EML1: variants seen among roughly 807,000 people sequenced by gnomAD.
The protein encoded by EML1 is EMAP like 1.
EML1 carries 27 observed loss-of-function variants against 110.4 expected under a neutral mutation model. The ratio of observed to expected loss-of-function variants is 0.24; its 90% CI spans 0.18 to 0.34. The LOEUF is 0.34. EML1 is among the 10% of genes least tolerant of loss of function. EML1 has a pLI of 1.00. For synonymous variants in EML1, 344 were observed against 385.8 expected (o/e 0.89, Z 1.27); for missense variants, 741 against 1,030.9 (o/e 0.72, Z 3.85).
intron 1 of EML1, among the ~76,000 whole-genome samples, chr14:99,750,647 T>G (rs2057165394): frequency 6.6e-6 from 1 of 152,206 alleles, no homozygotes; most frequent in African/African-American, 2.4e-5. Flanking sequence ...GCTTTCATTT[T>G]AGGTCGAGTC....
At chr14:99,808,420 T>C (rs1218047594) in intron 1 of EML1, among the ~76,000 whole-genome samples, 1 of 152,188 alleles carries the variant, frequency 6.6e-6, no homozygotes, top group Non-Finnish European at 1.5e-5. Flanking sequence ...CAGAAACATT[T>C]CTTCATTGTG....
chr14:99,751,205 C>T (rs1461497206), intron 1 of EML1, among the ~76,000 whole-genome samples: 1 of 151,996 alleles, frequency 6.6e-6, no homozygotes, highest in East Asian at 1.9e-4. Context: ...AGCAGATGGA[C>T]AAGCAGACGG....
chr14:99,840,052 T>C (rs1385711014), intron 1 of EML1, among the ~76,000 whole-genome samples: 1 of 152,268 alleles, frequency 6.6e-6, no homozygotes, highest in Non-Finnish European at 1.5e-5. Flanking sequence ...CTTTTGCTAT[T>C]GGATACTAAT....
exon 1 of EML1, chr14:99,737,795 G>A (rs948768908): frequency 2.3e-6 from 3 of 1,288,990 alleles, no homozygotes; most frequent in Admixed American, 2.3e-5. Context: ...GAGTGACCCT[G>A]CAGGCTGGTG....
At chr14:99,754,445 G>A (rs567417107) in intron 1 of EML1, among the ~76,000 whole-genome samples, 29 of 152,304 alleles carry the variant, frequency 1.9e-4, no homozygotes, top group Non-Finnish European at 4.1e-4. Context: ...ACCTCTGGGT[G>A]GGGCCGTGAC....
Position 99,940,485 on chromosome 14 carries a change from G to A in EML1, c.*373G>A, listed in dbSNP as rs1376944883. ...TCTTCACTGTTTCACCATCTAGCTT[G>A]CTAAGTCAAATATTTATGATGATAA... On this transcript the variant is annotated 3_prime_UTR_variant, in exon 22 of 22. Transcript: ENST00000262233. The A allele has an allele frequency of 6.3e-6, 1 of 158,188 alleles. No individual in the cohort carries two copies. The highest frequency in any genetic ancestry group is 2.4e-5 in the African/African-American group (1 of 41,682). The allele number at this position is 158,188 out of a possible 1,614,324, so 9.8% of individuals were successfully genotyped here. A position where few individuals can be genotyped will look rare whatever the true frequency, so the allele number is the denominator to read the frequency against.
upstream of EML1, among the ~76,000 whole-genome samples, chr14:99,769,465 C>A (rs75978758): frequency 0.061 from 9,287 of 152,300 alleles, 322 homozygotes; most frequent in African/African-American, 0.094. Context: ...TGGCCTCCCC[C>A]ACAGTGGGCA....
At chr14:99,762,946 A>G (rs1209587939) in intron 1 of EML1, among the ~76,000 whole-genome samples, 1 of 152,220 alleles carries the variant, frequency 6.6e-6, no homozygotes, top group African/African-American at 2.4e-5. Context: ...TGTGTGTGAT[A>G]TGCTTTGGCT....
At chr14:99,826,800 T>G (rs2058368391) in intron 1 of EML1, among the ~76,000 whole-genome samples, 1 of 152,044 alleles carries the variant, frequency 6.6e-6, no homozygotes, top group Non-Finnish European at 1.5e-5. Flanking sequence ...TGTGATTAAG[T>G]CCACACTGCT....
At position 99,796,936 on chromosome 14, in the gene EML1, T is replaced by TGAGAGAGA. The variant is rs71464634; in HGVS notation, c.67+3400_67+3401insAGAGAGAG. On this transcript the variant is annotated intron_variant, in intron 1 of 21. Transcript: ENST00000262233. ...GTGTGTGTGTGTGTGTGTGTGTGTG[T>TGAGAGAGA]GAGAGAGTAATAGCTTTATTGAAAT... 3.5e-4 allele frequency among the ~76,000 whole-genome samples: 53 copies of TGAGAGAGA among 150,144 alleles called. 2 individuals are homozygous for TGAGAGAGA. The East Asian group carries it at 8.1e-3, about 23-fold the overall frequency.
intron 1 of EML1, among the ~76,000 whole-genome samples, chr14:99,783,718 C>T (rs910933559): frequency 1.3e-5 from 2 of 152,154 alleles, no homozygotes; most frequent in African/African-American, 2.4e-5. Context: ...CTCCTGACCT[C>T]GTGATCTGCC....
chr14:99,893,432 A>C (rs562186031), intron 5 of EML1, among the ~76,000 whole-genome samples: 19 of 152,308 alleles, frequency 1.2e-4, no homozygotes, highest in African/African-American at 3.8e-4. Flanking sequence ...ACACATAGGC[A>C]GGGATGATCG....
chr14:99,940,141 T>C lies in EML1; in HGVS notation c.*29T>C. 6.7e-7 allele frequency: 1 copy of C among 1,499,908 alleles called. No homozygotes were observed. Among genetic ancestry groups the C allele is most frequent in the Non-Finnish European group, 8.9e-7 (1 of 1,123,536 alleles). 92.9% of individuals were successfully genotyped at this position (1,499,908 alleles called of 1,614,324 possible). ...CCACCGAGAGCTGTGGGGAGCAGCA[T>C]GGGCAAGGAAGACACAGACTCGCAT... On this transcript the variant is annotated 3_prime_UTR_variant, in exon 22 of 22. Transcript: ENST00000262233.
chr14:99,885,906 C>T (rs1399650068), intron 4 of EML1: 3 of 455,772 alleles, frequency 6.6e-6, no homozygotes, highest in Non-Finnish European at 1.3e-5. Flanking sequence ...GGTGAAGCCC[C>T]TCACCCAAGC....
In EML1 at chr14:99,900,946, GC is replaced by G; in HGVS notation, c.916del (p.Arg306AlafsTer6). 1 of 1,614,152 alleles carries G rather than the reference GC, an allele frequency of 6.2e-7. No individual in the cohort carries two copies. The highest frequency in any genetic ancestry group is 8.5e-7 in the Non-Finnish European group (1 of 1,180,010). On this transcript the variant is annotated frameshift_variant, in exon 9 of 22. Coordinates refer to ENST00000262233, the MANE Select transcript of EML1 (RefSeq NM_004434.3). LOFTEE classifies it high-confidence loss of function. ...CTGAACAGCAATTGCCCCCACATGT[GC>G]GCATCTGGGATTCTGTGACATTGAA... ...KDGKQLPPHV[R>X]IWDSVTLNTL...
chr14:99,748,935 T>A (rs771553599), intron 1 of EML1, among the ~76,000 whole-genome samples: 5 of 152,248 alleles, frequency 3.3e-5, no homozygotes, highest in Non-Finnish European at 7.3e-5. Context: ...TGTGCCTGGA[T>A]TCTCTCGCTT....
intron 5 of EML1, among the ~76,000 whole-genome samples, chr14:99,893,941 G>A (rs1869170059): frequency 6.6e-6 from 1 of 152,140 alleles, no homozygotes; most frequent in South Asian, 2.1e-4. Context: ...ATTTACTTTT[G>A]TCCCTATGAT....
intron 9 of EML1, among the ~76,000 whole-genome samples, chr14:99,906,091 C>T (rs2059841254): frequency 6.6e-6 from 1 of 152,158 alleles, no homozygotes; most frequent in African/African-American, 2.4e-5. Context: ...AGTATTGTCC[C>T]TTCTGTGGTC....
At chr14:99,817,265 C>G (rs1264490222) in intron 1 of EML1, among the ~76,000 whole-genome samples, 1 of 152,180 alleles carries the variant, frequency 6.6e-6, no homozygotes, top group East Asian at 1.9e-4. Flanking sequence ...AAATGATGTT[C>G]CCTCAGAAGA....
Sources: allele counts gnomAD v4.1 joint callset (sites outside exome capture counted in the v4.1 genomes callset), GRCh38; gene constraint gnomAD v4.1.1; transcripts MANE v1.5; gene names NCBI Gene and HGNC (gene_info 2026-07-23, HGNC 2026-07-21).